CACNA1A: variants seen among roughly 807,000 people sequenced by gnomAD.
CACNA1A encodes calcium voltage-gated channel subunit alpha1 A.
Under a neutral mutation model 262.4 loss-of-function variants are expected in CACNA1A, and 57 were observed. That is an observed-to-expected ratio of 0.22 (90% confidence interval 0.18 to 0.27). The LOEUF (loss-of-function observed/expected upper bound fraction) is 0.27. Ranked by LOEUF, CACNA1A falls within the 10% of genes least tolerant of loss-of-function variation. The probability of loss-of-function intolerance (pLI) is 1.00; values close to 1 mark genes in which losing one functional copy is unlikely to be tolerated. For synonymous variants in CACNA1A, 1,431 were observed against 1,419.3 expected (o/e 1.01, Z -0.18); for missense variants, 2,526 against 3,562.8 (o/e 0.71, Z 7.41).
intron 10 of CACNA1A, among the ~76,000 whole-genome samples, chr19:13,318,005 G>A (rs1339290046): frequency 6.6e-6 from 1 of 152,196 alleles, no homozygotes; most frequent in African/African-American, 2.4e-5. Flanking sequence ...AAGTTGGGAT[G>A]GGTGCAGTGG....
At chr19:13,482,821 T>G (rs961381962) in intron 1 of CACNA1A, among the ~76,000 whole-genome samples, 1 of 151,786 alleles carries the variant, frequency 6.6e-6, no homozygotes, top group Admixed American at 6.6e-5. Flanking sequence ...CCTCTCTCTC[T>G]TTCTCTCCCC....
At chr19:13,501,351 T>C (rs1982356624) in intron 1 of CACNA1A, among the ~76,000 whole-genome samples, 1 of 152,028 alleles carries the variant, frequency 6.6e-6, no homozygotes, top group South Asian at 2.1e-4. Context: ...AATTTTTGTA[T>C]TTTTAGTAGA....
At chr19:13,447,625 G>A (rs556118311) in intron 3 of CACNA1A, among the ~76,000 whole-genome samples, 106 of 152,338 alleles carry the variant, frequency 7.0e-4, no homozygotes, top group African/African-American at 2.4e-3. Flanking sequence ...TGGTGGATCC[G>A]TCAGAGTCCT....
chr19:13,453,359 A>C (rs2060950337), intron 2 of CACNA1A, among the ~76,000 whole-genome samples: 1 of 152,260 alleles, frequency 6.6e-6, no homozygotes, highest in Non-Finnish European at 1.5e-5. Context: ...CAATAAAATA[A>C]AAAACACAGT....
At chr19:13,413,961 A>C (rs2060176924) in intron 3 of CACNA1A, among the ~76,000 whole-genome samples, 1 of 150,472 alleles carries the variant, frequency 6.6e-6, no homozygotes. Flanking sequence ...AGGCAAGGGA[A>C]GGGAAAGGAA....
intron 1 of CACNA1A, among the ~76,000 whole-genome samples, chr19:13,494,162 G>T (rs752387941): frequency 2.6e-5 from 4 of 152,202 alleles, no homozygotes; most frequent in Non-Finnish European, 4.4e-5. Flanking sequence ...TTTTTTCAAG[G>T]ATACCTAGTG....
At chr19:13,228,609 T>G (rs1013084238) in intron 36 of CACNA1A, 91 of 205,764 alleles carry the variant, frequency 4.4e-4, no homozygotes, top group South Asian at 8.3e-4. Context: ...GAGAGAGATA[T>G]ATATATATAT....
intron 3 of CACNA1A, among the ~76,000 whole-genome samples, chr19:13,423,689 T>G (rs1308150555): frequency 6.6e-6 from 1 of 151,956 alleles, no homozygotes; most frequent in Non-Finnish European, 1.5e-5. Context: ...TTTTTGTATT[T>G]TTTTTTGTAG....
chr19:13,219,042 ATTT>A (rs554840529), intron 38 of CACNA1A, among the ~76,000 whole-genome samples: 2 of 118,006 alleles, frequency 1.7e-5, no homozygotes, highest in East Asian at 2.6e-4. Context: ...CCCTTTGCAG[ATTT>A]TTTTTTTTTT....
chr19:13,362,292 G>C (rs2059124923), intron 5 of CACNA1A: 1 of 152,104 alleles, frequency 6.6e-6, no homozygotes, highest in Non-Finnish European at 1.5e-5. Context: ...CTATGTCCCA[G>C]GTTCAAGTGA....
chr19:13,262,870 A>G (rs2056769539), intron 24 of CACNA1A, 37 bp from the exon 25 acceptor site: 1 of 1,432,114 alleles, frequency 7.0e-7, no homozygotes, highest in Admixed American at 1.8e-5. Context: ...AAGGGAAGAG[A>G]GGAAGCAGAG....
chr19:13,365,387 A>G lies in CACNA1A; in HGVS notation c.714T>C (p.Leu238=), dbSNP rs1451920573. Residue 238 remains leucine (L), a synonymous_variant, in exon 5 of 47, where the codon CTT becomes CTC. Coordinates refer to ENST00000360228, the MANE Select transcript of CACNA1A (RefSeq NM_001127222.2). Reference sequence around the variant, plus strand: ...ATTCTAACCCTATGATTGCAAAAATAAGGATTGCAAAAAATAGGAGGAGGC... The same window carrying G: ...ATTCTAACCCTATGATTGCAAAAATGAGGATTGCAAAAAATAGGAGGAGGC... ...QIGLLLFFAI[L]IFAIIGLEFY... is the part of the protein sequence containing the mutation. 2 of 1,613,456 alleles carry G rather than the reference A, an allele frequency of 1.2e-6. No individual in the cohort carries two copies. The highest frequency in any genetic ancestry group is 2.7e-5 in the African/African-American group (2 of 74,900).
chr19:13,465,350 T>G (rs1393458766), intron 1 of CACNA1A, among the ~76,000 whole-genome samples: 1 of 152,336 alleles, frequency 6.6e-6, no homozygotes, highest in East Asian at 1.9e-4. Flanking sequence ...ATATGTGTGG[T>G]CCACTCACTG....
Position 13,207,419 on chromosome 19 carries a change from A to G in CACNA1A, c.7415T>C (p.Leu2472Pro). 10 of 1,527,278 alleles carry G rather than the reference A, an allele frequency of 6.5e-6. No homozygotes were observed. Among genetic ancestry groups the G allele is most frequent in the Non-Finnish European group, 8.8e-6 (10 of 1,142,244 alleles). The allele number at this position is 1,527,278 out of a possible 1,614,324, so 94.6% of individuals were successfully genotyped here. A position where few individuals can be genotyped will look rare whatever the true frequency, so the allele number is the denominator to read the frequency against. Residue 2472 changes from leucine to proline, a missense_variant, in exon 47 of 47, where the codon CTC becomes CCC. By Grantham distance (98) the Leu-to-Pro change is moderately conservative. Transcript: ENST00000360228. This position sits in a 1 kb window ranked among gnomAD's most constrained non-coding sequence, Gnocchi z 5.7. ...GTGCGCCGGGTAGTAGCCGTTGGGG[A>G]GTCGCCGGCCGTGCCGAGAAGGCGA... ...CASPSRHGRR[L>P]PNGYYPAHGL...
intron 24 of CACNA1A, chr19:13,272,208 T>C (rs1177716216): frequency 6.6e-6 from 1 of 152,262 alleles, no homozygotes; most frequent in African/African-American, 2.4e-5. Flanking sequence ...ACTGGGAGGA[T>C]TCACAGGATA....
chr19:13,319,396 C>G (rs1170851439), intron 10 of CACNA1A, among the ~76,000 whole-genome samples: 1 of 152,136 alleles, frequency 6.6e-6, no homozygotes, highest in Non-Finnish European at 1.5e-5. Context: ...ATTTGCTCAT[C>G]CATTCATCCA....
chr19:13,447,366 G>T lies in CACNA1A; in HGVS notation c.539+5510C>A, dbSNP rs116140152. 7.3e-3 allele frequency among the ~76,000 whole-genome samples: 1,109 copies of T among 152,256 alleles called. 17 individuals are homozygous for T. Among genetic ancestry groups the T allele is most frequent in the African/African-American group, 0.026 (1,068 of 41,544 alleles). ...TCAGATGACAGGAAACTAGAAGAAA[G>T]GCCACCTTGTTGTAAGCAGGGAGAT... On this transcript the variant is annotated intron_variant, in intron 3 of 46. Transcript: ENST00000360228.
intron 19 of CACNA1A, among the ~76,000 whole-genome samples, chr19:13,297,454 G>C (rs1012552830): frequency 1.3e-5 from 2 of 152,198 alleles, no homozygotes; most frequent in African/African-American, 4.8e-5. Context: ...TGGGATGATT[G>C]CTTGAGGCCA....
chr19:13,303,296 G>A (rs139157732), intron 17 of CACNA1A, among the ~76,000 whole-genome samples: 48 of 152,246 alleles, frequency 3.2e-4, no homozygotes, highest in African/African-American at 9.9e-4. Context: ...TTTGCCATCC[G>A]TTTCCTGCAG....
Sources: gnomAD v4.1 joint callset for allele counts (sites outside exome capture counted in the v4.1 genomes callset) on GRCh38, gnomAD v4.1.1 for gene constraint, Gnocchi (gnomAD v3.1) non-coding constraint, MANE v1.5 for transcripts, NCBI Gene and HGNC (gene_info 2026-07-23, HGNC 2026-07-21) for gene names.